Variants in PCDH9 observed in about 807,000 individuals in gnomAD.
The protein encoded by PCDH9 is protocadherin 9.
Under a neutral mutation model 70.6 loss-of-function variants are expected in PCDH9, and 24 were observed. The observed-to-expected ratio is 0.34, with a 90% confidence interval of 0.25 to 0.48. PCDH9 has a LOEUF of 0.48. PCDH9 is among the 20% of genes least tolerant of loss of function. The pLI is 0.99. For synonymous variants in PCDH9, 562 were observed against 558.5 expected, an observed-to-expected ratio of 1.01 and a Z score of -0.09; for missense variants, 1,281 against 1,503.6, an observed-to-expected ratio of 0.85 and a Z score of 2.45.
intron 3 of PCDH9, among the ~76,000 whole-genome samples, chr13:66,882,601 C>T (rs2081939839): frequency 6.6e-6 from 1 of 152,048 alleles, no homozygotes; most frequent in South Asian, 2.1e-4. Context: ...ATAATTTACC[C>T]TCAATCAGAC....
At chr13:66,887,638 A>C (rs1409554377) in intron 3 of PCDH9, among the ~76,000 whole-genome samples, 1 of 152,216 alleles carries the variant, frequency 6.6e-6, no homozygotes, top group Non-Finnish European at 1.5e-5. Context: ...GTTAGTATTA[A>C]TGCGCTAATT....
At chr13:66,422,308 T>G (rs998168540) in intron 4 of PCDH9, among the ~76,000 whole-genome samples, 6 of 152,040 alleles carry the variant, frequency 3.9e-5, no homozygotes, top group African/African-American at 1.4e-4. Context: ...ACCAAACAGA[T>G]CTAATAGACA....
intron 3 of PCDH9, among the ~76,000 whole-genome samples, chr13:66,708,119 G>T (rs958637324): frequency 6.6e-6 from 1 of 151,070 alleles, no homozygotes; most frequent in East Asian, 1.9e-4. Flanking sequence ...GCGGGATCTC[G>T]GCTCACTGCA....
chr13:67,223,961 T>C (rs975143016), intron 2 of PCDH9: 1 of 152,184 alleles, frequency 6.6e-6, no homozygotes, highest in African/African-American at 2.4e-5. Flanking sequence ...AATATTTTAT[T>C]ACCATGAAGC....
At chr13:66,896,754 T>G (rs1325565841) in intron 3 of PCDH9, among the ~76,000 whole-genome samples, 1 of 152,146 alleles carries the variant, frequency 6.6e-6, no homozygotes. Context: ...GCCACTGCAG[T>G]TTTGCATTTT....
chr13:66,791,225 C>A (rs2080158436), intron 3 of PCDH9, among the ~76,000 whole-genome samples: 1 of 151,960 alleles, frequency 6.6e-6, no homozygotes, highest in South Asian at 2.1e-4. Context: ...ACAGCAAAAT[C>A]AATGTAGGTG....
intron 2 of PCDH9, among the ~76,000 whole-genome samples, chr13:67,120,105 G>C (rs2138296951): frequency 6.6e-6 from 1 of 151,600 alleles, no homozygotes; most frequent in East Asian, 1.9e-4. Flanking sequence ...ACTTTCTACT[G>C]TTTCCCAAGC....
chr13:66,483,256 G>A (rs1250655386), intron 4 of PCDH9, among the ~76,000 whole-genome samples: 3 of 152,156 alleles, frequency 2.0e-5, no homozygotes, highest in Admixed American at 6.5e-5. Flanking sequence ...TGCATTATAT[G>A]CATTTTTTGT....
intron 2 of PCDH9, among the ~76,000 whole-genome samples, chr13:66,944,033 G>A (rs2083048333): frequency 6.8e-6 from 1 of 147,166 alleles, no homozygotes; most frequent in Non-Finnish European, 1.5e-5. Flanking sequence ...ACACTATTGT[G>A]AGAATCAAAT....
At chr13:67,199,362 C>T (rs568153326) in intron 2 of PCDH9, among the ~76,000 whole-genome samples, 88 of 151,222 alleles carry the variant, frequency 5.8e-4, no homozygotes, top group Non-Finnish European at 1.0e-3. Context: ...TTTTTCCTTC[C>T]CCTGCACTCT....
rs79865942 is a variant in PCDH9, at chr13:66,635,138, C to A, written c.3139-3727G>T. On this transcript the variant is annotated intron_variant, in intron 3 of 4. Transcript: ENST00000377865. ...ATCCTGACTGGCTGAAGAGGGACAA[C>A]ACATATTACAGTGAGACTCCTTCAG... 7.8e-3 allele frequency among the ~76,000 whole-genome samples: 1,187 copies of A among 152,244 alleles called. 19 individuals are homozygous for A. Among genetic ancestry groups the A allele is most frequent in the African/African-American group, 0.027 (1,128 of 41,542 alleles).
At chr13:66,874,102 A>G (rs905789394) in intron 3 of PCDH9, among the ~76,000 whole-genome samples, 1 of 151,736 alleles carries the variant, frequency 6.6e-6, no homozygotes, top group Non-Finnish European at 1.5e-5. Flanking sequence ...CACCATGTCC[A>G]GCTGATTTTT....
At chr13:66,498,529 T>C (rs1407926820) in intron 4 of PCDH9, among the ~76,000 whole-genome samples, 1 of 152,094 alleles carries the variant, frequency 6.6e-6, no homozygotes, top group African/African-American at 2.4e-5. Flanking sequence ...CCTACTGACT[T>C]CCTCAATATC....
At chr13:66,754,225 C>T (rs2079505725) in intron 3 of PCDH9, among the ~76,000 whole-genome samples, 1 of 151,966 alleles carries the variant, frequency 6.6e-6, no homozygotes, top group African/African-American at 2.4e-5. Flanking sequence ...CAGGGCCTGT[C>T]AGTGGGTGGA....
At chr13:67,036,222 G>A (rs1420824211) in intron 2 of PCDH9, among the ~76,000 whole-genome samples, 1 of 152,112 alleles carries the variant, frequency 6.6e-6, no homozygotes, top group East Asian at 1.9e-4. Flanking sequence ...AGGAAAGCAT[G>A]GGCATTTGAA....
At chr13:67,135,660 C>T (rs1345140493) in intron 2 of PCDH9, among the ~76,000 whole-genome samples, 2 of 152,002 alleles carry the variant, frequency 1.3e-5, no homozygotes, top group East Asian at 3.9e-4. Flanking sequence ...AAGATGTCAA[C>T]AAGAATGGAC....
chr13:67,152,148 A>G (rs971177718), intron 2 of PCDH9, among the ~76,000 whole-genome samples: 33 of 152,210 alleles, frequency 2.2e-4, no homozygotes, highest in African/African-American at 2.4e-5. Flanking sequence ...TAAAAGCATA[A>G]TCTGCCTTTT....
rs543194836 is a variant in PCDH9, at chr13:67,029,885, C to G, written c.3037-126280G>C. 2.0e-5 allele frequency among the ~76,000 whole-genome samples: 3 copies of G among 152,242 alleles called. No individual in the cohort carries two copies. In the South Asian group the frequency reaches 6.2e-4, roughly 32 times the overall value. Reference sequence around the variant, plus strand: ...GTATTTTTTGAAACAAGCCAGAACACTTTATCTTTCTGTCAAAGTTATTGT... The same window carrying G: ...GTATTTTTTGAAACAAGCCAGAACAGTTTATCTTTCTGTCAAAGTTATTGT... On this transcript the variant is annotated intron_variant, in intron 2 of 4. Coordinates refer to ENST00000377865, the MANE Select transcript of PCDH9 (RefSeq NM_203487.3).
chr13:66,464,725 G>C (rs1001854785), intron 4 of PCDH9, among the ~76,000 whole-genome samples: 2 of 151,878 alleles, frequency 1.3e-5, no homozygotes, highest in Non-Finnish European at 2.9e-5. Context: ...ACTATTTGCA[G>C]GAAAGTGCAT....
Sources: gnomAD v4.1 joint callset for allele counts (sites outside exome capture counted in the v4.1 genomes callset) on GRCh38, gnomAD v4.1.1 for gene constraint, MANE v1.5 for transcripts, NCBI Gene and HGNC (gene_info 2026-07-23, HGNC 2026-07-21) for gene names.